The following UGT2B7 variants were observed in gnomAD, a reference collection of about 807,000 sequenced individuals.
UGT2B7 encodes the protein UDP glucuronosyltransferase family 2 member B7, also known as UDP-glucuronosyltransferase 2B7.
Under a neutral mutation model 51.9 loss-of-function variants are expected in UGT2B7, and 51 were observed. The observed-to-expected ratio is 0.98, with a 90% CI of 0.78 to 1.24. The LOEUF is 1.24. Among genes scored for constraint, UGT2B7 ranks in the 50% most tolerant of loss-of-function variants. The probability of loss-of-function intolerance (pLI) is 0.00; values close to 1 mark genes in which losing one functional copy is unlikely to be tolerated. For missense variants in UGT2B7, 727 were observed against 628.4 expected (o/e 1.16, Z -1.68); for synonymous variants, 225 against 211.6 (o/e 1.06, Z -0.55).
intron 3 of UGT2B7, among the ~76,000 whole-genome samples, chr4:69,104,642 T>G (rs957038849): frequency 5.9e-5 from 9 of 152,162 alleles, no homozygotes; most frequent in African/African-American, 2.2e-4. Context: ...AAGAATAAAT[T>G]TATTCAAGAA....
At chr4:69,095,551 G>A (rs1401383380), upstream of UGT2B7, among the ~76,000 whole-genome samples, 1 of 152,116 alleles carries the variant, frequency 6.6e-6, no homozygotes, top group African/African-American at 2.4e-5. Flanking sequence ...GGATTAAGAG[G>A]AACTATAGTC....
chr4:69,075,653 A>T (rs1430330153), intron 1 of UGT2B7, among the ~76,000 whole-genome samples: 1 of 152,110 alleles, frequency 6.6e-6, no homozygotes, highest in Non-Finnish European at 1.5e-5. Context: ...TGTATGAACC[A>T]CCTGACTGAG....
upstream of UGT2B7, among the ~76,000 whole-genome samples, chr4:69,093,782 G>A (rs1161549546): frequency 6.6e-6 from 1 of 152,144 alleles, no homozygotes; most frequent in Non-Finnish European, 1.5e-5. Context: ...ATTTTCCTTG[G>A]TTCTGTGTTG....
Position 69,108,337 on chromosome 4 carries a change from A to C in UGT2B7, c.1310+15A>C. The C allele has an allele frequency of 1.2e-6, 2 of 1,611,494 alleles. No individual in the cohort carries two copies. Among genetic ancestry groups the C allele is most frequent in the South Asian group, 2.2e-5 (2 of 90,992 alleles). On this transcript the variant is annotated intron_variant, in intron 5 of 5. Transcript: ENST00000305231. ...AATGATCCTTCGTGAGTAGAACAATATTTTTCACTAGGTGGTATTTACAGA... is the reference window on the plus strand; with the variant it reads ...AATGATCCTTCGTGAGTAGAACAATCTTTTTCACTAGGTGGTATTTACAGA...
intron 3 of UGT2B7, among the ~76,000 whole-genome samples, chr4:69,103,154 T>C (rs970061572): frequency 6.6e-6 from 1 of 152,070 alleles, no homozygotes; most frequent in Admixed American, 6.6e-5. Flanking sequence ...TATGTAAATA[T>C]GCTGACAATA....
chr4:69,112,430 A>C, intron 5 of UGT2B7, 27 bp from the exon 6 acceptor site: 1 of 1,604,924 alleles, frequency 6.2e-7, no homozygotes, highest in Non-Finnish European at 8.5e-7. Context: ...TTCCTGCTAC[A>C]TTACTGTCTT....
At chr4:69,057,130 C>T (rs1423925953) in intron 1 of UGT2B7, among the ~76,000 whole-genome samples, 1 of 152,160 alleles carries the variant, frequency 6.6e-6, no homozygotes. Flanking sequence ...TGCGTGCAGC[C>T]CCTGTCATGC....
chr4:69,052,838 G>A (rs1173337260), intron 1 of UGT2B7, among the ~76,000 whole-genome samples: 1 of 152,042 alleles, frequency 6.6e-6, no homozygotes, highest in African/African-American at 2.4e-5. Flanking sequence ...GTATAAAAAA[G>A]TAAAACATAC....
In UGT2B7 at chr4:69,112,832, G is replaced by C; in HGVS notation, c.*96G>C. ...TGTGATGCAAGATTTCTTTCTTCCT[G>C]AGACAAAAAAAAAAAAAGAAAAAAA... On this transcript the variant is annotated 3_prime_UTR_variant, in exon 6 of 6. Coordinates refer to ENST00000305231, the MANE Select transcript of UGT2B7 (RefSeq NM_001074.4). 9.2e-7 allele frequency: 1 copy of C among 1,085,822 alleles called. No individual in the cohort carries two copies. Among genetic ancestry groups the C allele is most frequent in the South Asian group, 3.0e-5 (1 of 33,436 alleles). 67.3% of individuals were successfully genotyped at this position (1,085,822 alleles called of 1,614,324 possible).
chr4:69,073,292 C>T (rs1269617662), intron 1 of UGT2B7, among the ~76,000 whole-genome samples: 1 of 152,138 alleles, frequency 6.6e-6, no homozygotes, highest in Non-Finnish European at 1.5e-5. Context: ...CAAGATGTCT[C>T]ATTGAGTTCA....
At chr4:69,063,305 C>T (rs1373865406) in intron 1 of UGT2B7, among the ~76,000 whole-genome samples, 3 of 106,334 alleles carry the variant, frequency 2.8e-5, no homozygotes, top group Middle Eastern at 7.9e-3. Context: ...GGCGACAGAG[C>T]GAGACTCCGT....
At chr4:69,077,226 C>T (rs1577913193) in intron 1 of UGT2B7, among the ~76,000 whole-genome samples, 1 of 152,036 alleles carries the variant, frequency 6.6e-6, no homozygotes, top group South Asian at 2.1e-4. Flanking sequence ...ATACCTCCAG[C>T]TTTGGTCTTT....
intron 3 of UGT2B7, among the ~76,000 whole-genome samples, chr4:69,105,637 A>C (rs1488301882): frequency 6.6e-6 from 1 of 152,212 alleles, no homozygotes; most frequent in Non-Finnish European, 1.5e-5. Flanking sequence ...TCATGACACC[A>C]ACAGATTCTT....
At chr4:69,069,162 T>C (rs1718544410) in intron 1 of UGT2B7, among the ~76,000 whole-genome samples, 1 of 151,844 alleles carries the variant, frequency 6.6e-6, no homozygotes, top group African/African-American at 2.4e-5. Context: ...GGCCATCCAC[T>C]TTCATACTTT....
intron 1 of UGT2B7, among the ~76,000 whole-genome samples, chr4:69,066,687 T>A (rs1718489833): frequency 1.3e-5 from 2 of 152,138 alleles, no homozygotes; most frequent in Admixed American, 1.3e-4. Context: ...TTATTATACA[T>A]AGTCACATTC....
chr4:69,085,511 T>C (rs1718933775), intron 1 of UGT2B7, among the ~76,000 whole-genome samples: 2 of 152,048 alleles, frequency 1.3e-5, no homozygotes, highest in African/African-American at 2.4e-5. Flanking sequence ...CAATTGCTTT[T>C]GGTGCTTTAG....
chr4:69,077,694 G>T (rs544077794), intron 1 of UGT2B7, among the ~76,000 whole-genome samples: 1 of 152,116 alleles, frequency 6.6e-6, no homozygotes, highest in East Asian at 1.9e-4. Flanking sequence ...GAGACAGTGG[G>T]GTTTTTCTTA....
At position 69,054,641 on chromosome 4, in the gene UGT2B7, C is replaced by T. The variant is rs180717542; in HGVS notation, c.-159+3039C>T. Among the ~76,000 whole-genome samples the T allele has an allele frequency of 2.6e-3, 389 of 152,064 alleles. 2 individuals carry two copies. Among genetic ancestry groups the T allele is most frequent in the African/African-American group, 9.0e-3 (374 of 41,468 alleles). On this transcript the variant is annotated intron_variant, in intron 1 of 5. Coordinates refer to the UGT2B7 transcript ENST00000502942. ...AGTAGGCCCAACCTCCGAGACAATC[C>T]TTAACCATCAGTAGACTAGGAGTTG...
intron 1 of UGT2B7, among the ~76,000 whole-genome samples, chr4:69,064,509 A>C (rs1158608823): frequency 2.0e-5 from 3 of 152,224 alleles, no homozygotes; most frequent in Non-Finnish European, 4.4e-5. Context: ...CTTTTGAGCA[A>C]AACCTAGATA....
Sources: gnomAD v4.1 joint callset for allele counts (sites outside exome capture counted in the v4.1 genomes callset) on GRCh38, gnomAD v4.1.1 for gene constraint, MANE v1.5 for transcripts, NCBI Gene and HGNC (gene_info 2026-07-23, HGNC 2026-07-21) for gene names.